The following NKAIN2 variants were observed in gnomAD, a reference collection of about 807,000 sequenced individuals.
NKAIN2 encodes the protein sodium/potassium transporting ATPase interacting 2.
In NKAIN2, 14 loss-of-function variants were observed where a neutral mutation model predicts 32.6. The ratio of observed to expected loss-of-function variants is 0.43; its 90% CI spans 0.28 to 0.67. The LOEUF (loss-of-function observed/expected upper bound fraction) is 0.67. Ranked by LOEUF, NKAIN2 falls within the 30% of genes least tolerant of loss-of-function variation. The pLI is 0.17. For synonymous variants in NKAIN2, 80 were observed against 87.2 expected (o/e 0.92, Z 0.46); for missense variants, 198 against 258.3 (o/e 0.77, Z 1.60).
chr6:123,881,070 G>T (rs1773431058), intron 1 of NKAIN2, among the ~76,000 whole-genome samples: 1 of 152,154 alleles, frequency 6.6e-6, no homozygotes. Context: ...CACCTAGGCT[G>T]TTGGGCAGTA....
intron 1 of NKAIN2, among the ~76,000 whole-genome samples, chr6:124,176,221 C>T (rs1358440731): frequency 6.6e-6 from 1 of 152,138 alleles, no homozygotes; most frequent in Non-Finnish European, 1.5e-5. Context: ...AAAGTGAGCA[C>T]ATGCTGTTGG....
rs1394428590 is a variant in NKAIN2 at position 123,964,086 on chromosome 6, T to C, written c.54+159832T>C. Reference sequence around the variant, plus strand: ...CCTTGTTCAGGAACACAACATCCAATTACAAAATTACTCCTAGGGGAAAAT... The same window carrying C: ...CCTTGTTCAGGAACACAACATCCAACTACAAAATTACTCCTAGGGGAAAAT... On this transcript the variant is annotated intron_variant, in intron 1 of 6. Transcript: ENST00000368417. This position sits in a 1 kb window ranked among gnomAD's most constrained non-coding sequence, Gnocchi z 4.0. Among the ~76,000 whole-genome samples, 1 of 152,190 alleles carries C rather than the reference T, an allele frequency of 6.6e-6. No individual in the cohort carries two copies. Among genetic ancestry groups the C allele is most frequent in the African/African-American group, 2.4e-5 (1 of 41,446 alleles).
At chr6:124,025,929 A>T (rs1241490281) in intron 1 of NKAIN2, among the ~76,000 whole-genome samples, 1 of 152,136 alleles carries the variant, frequency 6.6e-6, no homozygotes, top group East Asian at 1.9e-4. Context: ...GAATTCTCTG[A>T]CCTACCTTGC....
intron 1 of NKAIN2, among the ~76,000 whole-genome samples, chr6:123,955,597 TTTATTTTATTTTA>T (rs1285668597): frequency 6.9e-6 from 1 of 143,974 alleles, no homozygotes; most frequent in African/African-American, 2.5e-5. Context: ...CATTTTTTAT[TTTATTTTATTTTA>T]TTTTATTTTA....
intron 1 of NKAIN2, among the ~76,000 whole-genome samples, chr6:123,890,867 C>A (rs1265685117): frequency 1.3e-5 from 2 of 152,086 alleles, no homozygotes; most frequent in East Asian, 3.9e-4. Flanking sequence ...GGGACTCAAA[C>A]AAATACCTAT....
chr6:124,585,370 G>C (rs1001772923), intron 3 of NKAIN2, among the ~76,000 whole-genome samples: 6 of 152,114 alleles, frequency 3.9e-5, no homozygotes, highest in Admixed American at 1.3e-4. Context: ...AATACGGTGA[G>C]ATAGAATGAA....
chr6:124,224,118 CAT>C (rs1278618543), intron 1 of NKAIN2, among the ~76,000 whole-genome samples: 1 of 152,112 alleles, frequency 6.6e-6, no homozygotes, highest in Non-Finnish European at 1.5e-5. Flanking sequence ...TGTGCATAGA[CAT>C]ATGTACATGA....
chr6:124,599,669 G>A (rs1476334202), intron 3 of NKAIN2, among the ~76,000 whole-genome samples: 1 of 152,098 alleles, frequency 6.6e-6, no homozygotes, highest in Non-Finnish European at 1.5e-5. Flanking sequence ...TTTATAAAAG[G>A]TGCTCTTTGC....
At chr6:123,822,308 T>G (rs939840606) in intron 1 of NKAIN2, among the ~76,000 whole-genome samples, 19 of 152,362 alleles carry the variant, frequency 1.2e-4, no homozygotes, top group African/African-American at 4.3e-4. Flanking sequence ...AAGGCCTAGT[T>G]CTTTATTTGC....
chr6:123,984,863 TAAAA>T (rs1181775437), intron 1 of NKAIN2, among the ~76,000 whole-genome samples: 1 of 151,948 alleles, frequency 6.6e-6, no homozygotes, highest in African/African-American at 2.4e-5. Flanking sequence ...TTATAATAAA[TAAAA>T]GAAATATAAG....
intron 2 of NKAIN2, among the ~76,000 whole-genome samples, chr6:124,286,684 G>T (rs1398993521): frequency 9.5e-6 from 1 of 104,720 alleles, no homozygotes; most frequent in Non-Finnish European, 1.7e-5. Flanking sequence ...GCGCGCGCGT[G>T]TGTGTGTGTG....
chr6:124,637,395 A>C (rs1463107868), intron 3 of NKAIN2, among the ~76,000 whole-genome samples: 1 of 152,070 alleles, frequency 6.6e-6, no homozygotes, highest in African/African-American at 2.4e-5. Context: ...TAGCAATTAG[A>C]TAAGAGAAAG....
intron 3 of NKAIN2, among the ~76,000 whole-genome samples, chr6:124,481,188 T>TC (rs56028964): frequency 0.062 from 8,951 of 144,788 alleles, 410 homozygotes; most frequent in Non-Finnish European, 0.088. Context: ...TTTTTTTTTT[T>TC]CACAGTGGAA....
chr6:124,238,911 C>G (rs897411415), intron 1 of NKAIN2, among the ~76,000 whole-genome samples: 1 of 152,250 alleles, frequency 6.6e-6, no homozygotes, highest in Middle Eastern at 3.4e-3. Flanking sequence ...ATGACAGGAA[C>G]AAATTCACAC....
At chr6:124,083,434 A>C (rs1231574856) in intron 1 of NKAIN2, among the ~76,000 whole-genome samples, 1 of 151,810 alleles carries the variant, frequency 6.6e-6, no homozygotes, top group Middle Eastern at 3.2e-3. Flanking sequence ...ATTATATGGC[A>C]ATTGTTTTTC....
chr6:124,092,228 G>A (rs868382929), intron 1 of NKAIN2, among the ~76,000 whole-genome samples: 6 of 151,982 alleles, frequency 3.9e-5, no homozygotes, highest in Non-Finnish European at 8.8e-5. Flanking sequence ...TTTGTCAGGG[G>A]TTGAAGTGGC....
chr6:124,571,880 G>T (rs1417737826), intron 3 of NKAIN2, among the ~76,000 whole-genome samples: 1 of 152,054 alleles, frequency 6.6e-6, no homozygotes, highest in African/African-American at 2.4e-5. Flanking sequence ...ACTCCCACAA[G>T]CTACTGACTC....
chr6:124,404,285 C>T (rs1176965801), intron 3 of NKAIN2, among the ~76,000 whole-genome samples: 3 of 152,032 alleles, frequency 2.0e-5, no homozygotes, highest in Non-Finnish European at 2.9e-5. Context: ...GAGGGGGAGT[C>T]GTCTCAGGTC....
intron 1 of NKAIN2, among the ~76,000 whole-genome samples, chr6:124,051,379 G>A (rs973786230): frequency 6.6e-6 from 1 of 151,902 alleles, no homozygotes; most frequent in Admixed American, 6.6e-5. Context: ...ACTCATAAAT[G>A]CCATTGAGAT....
Sources: allele counts gnomAD v4.1 joint callset (sites outside exome capture counted in the v4.1 genomes callset), GRCh38; gene constraint gnomAD v4.1.1; non-coding constraint Gnocchi (gnomAD v3.1); transcripts MANE v1.5; gene names NCBI Gene and HGNC (gene_info 2026-07-23, HGNC 2026-07-21).